The following KAZN variants were observed in gnomAD, a reference collection of about 807,000 sequenced individuals.
KAZN encodes the protein kazrin, periplakin interacting protein, also known as kazrin.
KAZN carries 40 observed loss-of-function variants against 87.4 expected under a neutral mutation model. That is an observed-to-expected ratio of 0.46 (90% CI 0.36 to 0.60). The LOEUF (loss-of-function observed/expected upper bound fraction) is 0.60. KAZN is among the 20% of genes least tolerant of loss of function. The pLI is 0.00. For synonymous variants in KAZN, 466 were observed against 458.3 expected (o/e 1.02, Z -0.22); for missense variants, 898 against 1,073.9 (o/e 0.84, Z 2.29).
chr1:15,104,689 G>A (rs1224634725), intron 13 of KAZN, among the ~76,000 whole-genome samples: 1 of 152,168 alleles, frequency 6.6e-6, no homozygotes, highest in Non-Finnish European at 1.5e-5. Context: ...AGTGACCAGA[G>A]AATGAACACC....
intron 1 of KAZN, among the ~76,000 whole-genome samples, chr1:14,134,055 A>G (rs951819999): frequency 1.3e-5 from 2 of 152,332 alleles, no homozygotes; most frequent in African/African-American, 2.4e-5. Context: ...AAATACTGGG[A>G]AAAGAAGTGG....
At chr1:14,167,402 A>C (rs1021507825) in intron 1 of KAZN, among the ~76,000 whole-genome samples, 3 of 152,148 alleles carry the variant, frequency 2.0e-5, no homozygotes, top group Non-Finnish European at 4.4e-5. Context: ...CTAATTTAAA[A>C]ATCAAGGCTA....
At chr1:14,513,602 C>T (rs10927454) in intron 2 of KAZN, among the ~76,000 whole-genome samples, 40,143 of 151,974 alleles carry the variant, frequency 0.26, 5,973 homozygotes, top group African/African-American at 0.39. Flanking sequence ...GCAAACCTGT[C>T]TCTTGAGCTC....
intron 1 of KAZN, among the ~76,000 whole-genome samples, chr1:14,666,134 T>A (rs1572174509): frequency 6.6e-6 from 1 of 152,086 alleles, no homozygotes; most frequent in East Asian, 1.9e-4. Flanking sequence ...GAATAGAGCC[T>A]CCTACCCCAA....
At chr1:13,973,226 TAAC>T in intron 1 of KAZN, among the ~76,000 whole-genome samples, 1 of 152,224 alleles carries the variant, frequency 6.6e-6, no homozygotes, top group East Asian at 1.9e-4. Flanking sequence ...GTAAACTTCA[TAAC>T]AACCTCATGG....
Position 14,411,417 on chromosome 1 carries a change from C to T in KAZN, c.250-187566C>T, listed in dbSNP as rs1664293884. 2.0e-5 allele frequency among the ~76,000 whole-genome samples: 3 copies of T among 152,192 alleles called. 1 individual carries two copies. In the South Asian group the frequency reaches 6.2e-4, roughly 32 times the overall value. On this transcript the variant is annotated intron_variant, in intron 2 of 16. Coordinates refer to the KAZN transcript ENST00000636203. Reference sequence around the variant, plus strand: ...TCAAGCAGTTCCCCTGCCTCAACCTCCCGAGTAGCTGTAATTACAGGCATG... The same window carrying T: ...TCAAGCAGTTCCCCTGCCTCAACCTTCCGAGTAGCTGTAATTACAGGCATG...
chr1:14,190,110 G>C (rs144158382), intron 2 of KAZN, among the ~76,000 whole-genome samples: 223 of 152,214 alleles, frequency 1.5e-3, no homozygotes, highest in African/African-American at 5.1e-3. Context: ...GTAGGCTTGT[G>C]ACAGAGCTAG....
chr1:14,417,445 A>C (rs911710870), intron 2 of KAZN, among the ~76,000 whole-genome samples: 3 of 152,170 alleles, frequency 2.0e-5, no homozygotes, highest in Admixed American at 2.0e-4. Context: ...GTGAACTAAG[A>C]AGCCTATAAG....
chr1:14,960,958 C>G (rs533258431), intron 2 of KAZN, 83 bp downstream of exon 2: 3 of 1,403,794 alleles, frequency 2.1e-6, no homozygotes, highest in Middle Eastern at 2.6e-4. Context: ...GGGGAAGTGA[C>G]GCAGATGGAC....
intron 2 of KAZN, among the ~76,000 whole-genome samples, chr1:14,975,797 C>T (rs752841086): frequency 1.3e-5 from 2 of 152,054 alleles, no homozygotes; most frequent in South Asian, 4.1e-4. Context: ...TGCGGGAGGC[C>T]GAGATGGGCG....
intron 2 of KAZN, among the ~76,000 whole-genome samples, chr1:14,367,027 C>T (rs183683984): frequency 1.3e-5 from 2 of 152,308 alleles, no homozygotes; most frequent in South Asian, 2.1e-4. Context: ...GTCAGGAGTT[C>T]AAGACTAGCC....
At chr1:14,419,273 T>G (rs1047739675) in intron 2 of KAZN, among the ~76,000 whole-genome samples, 2 of 152,146 alleles carry the variant, frequency 1.3e-5, no homozygotes, top group East Asian at 3.9e-4. Flanking sequence ...TCAGTGACTT[T>G]CCCAAAGTCA....
At chr1:14,571,737 C>G (rs1674877532) in intron 2 of KAZN, among the ~76,000 whole-genome samples, 1 of 152,184 alleles carries the variant, frequency 6.6e-6, no homozygotes. Context: ...ATGGTGGTAC[C>G]TCCCCTCCGC....
chr1:14,512,087 T>A (rs990991963), intron 2 of KAZN, among the ~76,000 whole-genome samples: 3 of 152,124 alleles, frequency 2.0e-5, no homozygotes, highest in African/African-American at 7.2e-5. Context: ...GACATCCAGC[T>A]TTCTTCTCAG....
chr1:14,930,634 C>T (rs1324451060), intron 1 of KAZN, among the ~76,000 whole-genome samples: 2 of 152,230 alleles, frequency 1.3e-5, no homozygotes, highest in Non-Finnish European at 1.5e-5. Context: ...GGTGAGACCA[C>T]TGAAGCTTGG....
intron 5 of KAZN, among the ~76,000 whole-genome samples, chr1:15,058,802 C>T (rs1052224171): frequency 2.8e-4 from 42 of 152,162 alleles, no homozygotes; most frequent in African/African-American, 9.4e-4. Flanking sequence ...GGACAGATCA[C>T]GAGGTCAGGA....
chr1:14,268,891 A>T (rs1409038978), intron 2 of KAZN, among the ~76,000 whole-genome samples: 2 of 152,222 alleles, frequency 1.3e-5, no homozygotes, highest in Admixed American at 6.5e-5. Flanking sequence ...TCATTTTTCA[A>T]AGAGTACAGT....
chr1:14,705,129 C>T (rs1557902562), intron 1 of KAZN, among the ~76,000 whole-genome samples: 1 of 152,190 alleles, frequency 6.6e-6, no homozygotes, highest in African/African-American at 2.4e-5. Flanking sequence ...GTATGCCTCT[C>T]TCCTTAGCTG....
chr1:14,262,982 A>G (rs1651197942), intron 2 of KAZN, among the ~76,000 whole-genome samples: 1 of 152,176 alleles, frequency 6.6e-6, no homozygotes, highest in Admixed American at 6.5e-5. Flanking sequence ...CGTGGGTTTT[A>G]TTTCTAAGTC....
Sources: gnomAD v4.1 joint callset for allele counts (sites outside exome capture counted in the v4.1 genomes callset) on GRCh38, gnomAD v4.1.1 for gene constraint, MANE v1.5 for transcripts, NCBI Gene and HGNC (gene_info 2026-07-23, HGNC 2026-07-21) for gene names.